Variants in POTED observed in about 807,000 individuals in gnomAD.
The protein encoded by POTED is ANKRD26-like family B member 3.
A neutral mutation model predicts 19.0 loss-of-function variants in POTED; 7 were observed. That is an observed-to-expected ratio of 0.37 (90% CI 0.21 to 0.69). The LOEUF (loss-of-function observed/expected upper bound fraction) is 0.69. Among genes scored for constraint, POTED ranks in the 30% least tolerant of loss-of-function variants. The pLI is 0.56. For missense variants in POTED, 54 were observed against 278.5 expected (o/e 0.19, Z 5.74); for synonymous variants, 16 against 92.0 (o/e 0.17, Z 4.73).
rs2011159418 is a variant in POTED, at chr21:13,617,393, A to G, written c.811-956A>G. On this transcript the variant is annotated intron_variant, in intron 3 of 10. Transcript: ENST00000299443. ...AGTCTGACTTATCTCTGTCGTTGAG[A>G]CATTAAAATGAATATTATTGGCACT... is the stretch of plus-strand genomic sequence containing the variant. Among the ~76,000 whole-genome samples the G allele has an allele frequency of 2.5e-5, 2 of 81,394 alleles. 1 individual carries two copies. The highest frequency in any genetic ancestry group is 7.0e-4 in the South Asian group (2 of 2,870). The allele number at this position is 81,394 out of a possible 152,430, so 53.4% of individuals were successfully genotyped here.
At chr21:13,611,117 G>A (rs1257552462) in intron 1 of POTED, among the ~76,000 whole-genome samples, 1 of 78,488 alleles carries the variant, frequency 1.3e-5, no homozygotes, top group Non-Finnish European at 2.2e-5. Context: ...TCAACTTCTG[G>A]GCTAAATATC....
chr21:13,611,372 AT>A (rs1162379150), intron 1 of POTED, among the ~76,000 whole-genome samples: 1 of 80,028 alleles, frequency 1.2e-5, no homozygotes, highest in African/African-American at 9.8e-5. Context: ...TGATAAATTG[AT>A]TTTTTTTAAC....
At chr21:13,640,487 G>T in intron 10 of POTED, among the ~76,000 whole-genome samples, 1 of 83,102 alleles carries the variant, frequency 1.2e-5, no homozygotes, top group East Asian at 5.9e-4. Flanking sequence ...AGTAGCATCA[G>T]AAGACCTGGC....
chr21:13,626,622 C>T (rs1303720082), intron 6 of POTED, among the ~76,000 whole-genome samples: 1 of 93,080 alleles, frequency 1.1e-5, no homozygotes, highest in Non-Finnish European at 2.0e-5. Context: ...CCCTACTCTA[C>T]ATCTTTAGCC....
intron 10 of POTED, among the ~76,000 whole-genome samples, chr21:13,640,552 TTG>T (rs1427589473): frequency 3.0e-5 from 2 of 66,520 alleles, no homozygotes; most frequent in Admixed American, 2.5e-4. Flanking sequence ...GTGTGTGTGT[TTG>T]TGTGTGTGTA....
Position 13,645,547 on chromosome 21 carries a change from A to G in POTED, c.*3981A>G, listed in dbSNP as rs1214871650. 7.8e-6 allele frequency among the ~76,000 whole-genome samples: 1 copy of G among 128,134 alleles called. No individual in the cohort carries two copies. Among genetic ancestry groups the G allele is most frequent in the East Asian group, 2.0e-4 (1 of 4,982 alleles). 84.1% of individuals were successfully genotyped at this position (128,134 alleles called of 152,430 possible). On this transcript the variant is annotated 3_prime_UTR_variant, in exon 11 of 11. Coordinates refer to ENST00000299443, the MANE Select transcript of POTED (RefSeq NM_174981.6). ...GCAAATGCTGAGGGAATTCGTTATC[A>G]CCAGACCTACCTTACAAGAGCTCCT...
Sources: allele counts gnomAD v4.1 joint callset (sites outside exome capture counted in the v4.1 genomes callset), GRCh38; gene constraint gnomAD v4.1.1; transcripts MANE v1.5; gene names NCBI Gene and HGNC (gene_info 2026-07-23, HGNC 2026-07-21).